The following ATOSA variants were observed in gnomAD, a reference collection of about 807,000 sequenced individuals.
The protein encoded by ATOSA is atos homolog A.
chr15:52,709,048 C>A, the ATOSA span, among the ~76,000 whole-genome samples: 28 of 151,944 alleles, frequency 1.8e-4, no homozygotes, highest in Non-Finnish European at 4.1e-4. Context: ...GGAGAGTACT[C>A]CCTGTCTGCA....
the ATOSA span, chr15:52,657,383 T>A: frequency 1.6e-4 from 24 of 152,332 alleles, no homozygotes; most frequent in East Asian, 7.7e-4. Context: ...TTAATACTGT[T>A]TGCTTTGCAT....
chr15:52,661,853 A>G, the ATOSA span, among the ~76,000 whole-genome samples: 6 of 149,378 alleles, frequency 4.0e-5, no homozygotes, highest in African/African-American at 1.5e-4. Context: ...TAGTATGCCA[A>G]CTTAAGAAGG....
chr15:52,651,768 A>G, the ATOSA span: 50 of 1,142,896 alleles, frequency 4.4e-5, no homozygotes, highest in African/African-American at 7.2e-4. Context: ...AGACCTATTT[A>G]TTAAAAATCC....
chr15:52,604,936 T>C, the ATOSA span, among the ~76,000 whole-genome samples: 1 of 152,190 alleles, frequency 6.6e-6, no homozygotes, highest in Admixed American at 6.5e-5. Context: ...AACTAATAAA[T>C]TTCATTTTTA....
the ATOSA span, among the ~76,000 whole-genome samples, chr15:52,603,560 A>G: frequency 2.0e-5 from 3 of 151,308 alleles, no homozygotes; most frequent in African/African-American, 4.9e-5. Flanking sequence ...ACCATTTGCA[A>G]CAGCCAAGAT....
chr15:52,661,672 G>A, the ATOSA span, among the ~76,000 whole-genome samples: 118 of 152,198 alleles, frequency 7.8e-4, 2 homozygotes, highest in South Asian at 0.023. Context: ...GCAACTTAGA[G>A]TACCCTGGTA....
chr15:52,693,067 T>C, the ATOSA span, among the ~76,000 whole-genome samples: 2 of 152,228 alleles, frequency 1.3e-5, no homozygotes, highest in African/African-American at 4.8e-5. Flanking sequence ...TTTGCCACTT[T>C]AAGTTTTAGT....
At chr15:52,611,115 TG>T in the ATOSA span, 1 of 1,589,864 alleles carries the variant, frequency 6.3e-7, no homozygotes, top group Admixed American at 1.9e-5. Context: ...CCTTTTTTTT[TG>T]GCCCTAGACA....
the ATOSA span, among the ~76,000 whole-genome samples, chr15:52,688,971 A>G: frequency 1.3e-5 from 2 of 152,254 alleles, no homozygotes; most frequent in African/African-American, 4.8e-5. Flanking sequence ...AATAACCCAC[A>G]GTTGGGAAAT....
chr15:52,649,654 A>G, the ATOSA span: 1 of 152,190 alleles, frequency 6.6e-6, no homozygotes, highest in South Asian at 2.1e-4. Context: ...GCACAAAACA[A>G]TAGCCAATTT....
the ATOSA span, among the ~76,000 whole-genome samples, chr15:52,661,452 A>G: frequency 6.6e-6 from 1 of 152,214 alleles, no homozygotes; most frequent in African/African-American, 2.4e-5. Context: ...TTTTAGTTGG[A>G]CAGGTTGCTT....
chr15:52,614,125 A>G, the ATOSA span, among the ~76,000 whole-genome samples: 136,610 of 151,858 alleles, frequency 0.9, 61,506 homozygotes, highest in East Asian at 1. Context: ...TTATTTTTGA[A>G]ACAGAGTTTC....
chr15:52,607,354 T>G, the ATOSA span, among the ~76,000 whole-genome samples: 1 of 152,200 alleles, frequency 6.6e-6, no homozygotes, highest in Non-Finnish European at 1.5e-5. Context: ...TTTCTGACTG[T>G]TTTTGCTCTA....
the ATOSA span, chr15:52,581,635 A>G: frequency 6.5e-6 from 1 of 152,750 alleles, no homozygotes; most frequent in Non-Finnish European, 1.5e-5. Flanking sequence ...TGAGAGATAT[A>G]AAAAGTACAC....
chr15:52,612,279 C>T, the ATOSA span, among the ~76,000 whole-genome samples: 1 of 152,100 alleles, frequency 6.6e-6, no homozygotes, highest in Non-Finnish European at 1.5e-5. Flanking sequence ...GCCACAGTGC[C>T]CCTGCTGTAT....
the ATOSA span, among the ~76,000 whole-genome samples, chr15:52,599,646 C>T: frequency 7.9e-5 from 12 of 152,214 alleles, no homozygotes; most frequent in Admixed American, 3.3e-4. Context: ...TGTGAGTAAA[C>T]ATATCAGAAA....
At chr15:52,585,252 A>G in the ATOSA span, 5 of 208,224 alleles carry the variant, frequency 2.4e-5, no homozygotes, top group Non-Finnish European at 4.8e-5. Context: ...TAGTTCCAGT[A>G]GCTTAAGCAA....
the ATOSA span, chr15:52,586,684 C>T: frequency 1.3e-5 from 2 of 157,542 alleles, no homozygotes; most frequent in African/African-American, 4.8e-5. Context: ...GATGCCTTCT[C>T]TGCCCTGACA....
chr15:52,628,651 A>G, the ATOSA span, among the ~76,000 whole-genome samples: 9 of 152,344 alleles, frequency 5.9e-5, no homozygotes, highest in South Asian at 1.9e-3. Flanking sequence ...TTAAAAAGGC[A>G]TATTTTTAAT....
Sources: allele counts gnomAD v4.1 joint callset (sites outside exome capture counted in the v4.1 genomes callset), GRCh38; gene constraint gnomAD v4.1.1; transcripts MANE v1.5; gene names NCBI Gene and HGNC (gene_info 2026-07-23, HGNC 2026-07-21).